WNT3: variants seen among roughly 807,000 people sequenced by gnomAD.
WNT3 encodes the protein proto-oncogene Wnt-3.
In WNT3, 7 loss-of-function variants were observed where a neutral mutation model predicts 34.2. The observed-to-expected ratio is 0.20, with a 90% CI of 0.12 to 0.38. The LOEUF is 0.38. WNT3 is among the 10% of genes least tolerant of loss of function. The pLI is 1.00. For synonymous variants in WNT3, 212 were observed against 211.5 expected, an observed-to-expected ratio of 1.00 and a Z score of -0.02; for missense variants, 267 against 499.8, an observed-to-expected ratio of 0.53 and a Z score of 4.44.
intron 2 of WNT3, among the ~76,000 whole-genome samples, chr17:46,771,760 CCCGCGCCGCG>C (rs568207694): frequency 2.6e-4 from 36 of 137,372 alleles, no homozygotes; most frequent in South Asian, 6.7e-4. Context: ...GCCCCCCGCC[CCCGCGCCGCG>C]CCGCGCCGCG....
At chr17:46,791,958 T>G (rs1042277033) in intron 1 of WNT3, among the ~76,000 whole-genome samples, 1 of 152,170 alleles carries the variant, frequency 6.6e-6, no homozygotes, top group Non-Finnish European at 1.5e-5. Context: ...GAGGATCGCT[T>G]GAGCCCAGGA....
chr17:46,771,905 C>A (rs1354719699), intron 2 of WNT3, among the ~76,000 whole-genome samples: 1 of 145,648 alleles, frequency 6.9e-6, no homozygotes, highest in South Asian at 2.1e-4. Flanking sequence ...CCCCCGCCCC[C>A]GCCTGGGGAA....
chr17:46,765,766 T>C (rs913071190), intron 4 of WNT3, among the ~76,000 whole-genome samples: 12 of 152,232 alleles, frequency 7.9e-5, no homozygotes, highest in Non-Finnish European at 4.4e-5. Context: ...GGCTGCCCTG[T>C]GAGCAGCTGG....
At position 46,770,006 on chromosome 17, in the gene WNT3, C is replaced by G. The variant is rs756045478; in HGVS notation, c.365G>C (p.Gly122Ala). 6.3e-7 allele frequency: 1 copy of G among 1,591,762 alleles called. No homozygotes were observed. Among genetic ancestry groups the G allele is most frequent in the Non-Finnish European group, 8.5e-7 (1 of 1,169,606 alleles). ...GGAGCGGGTGACGGCGAAGGCCACG[C>G]CGGCCGAGGCGATGGCGTGAACGAA... The part of the protein sequence containing the change: ...SAFVHAIASA[G>A]VAFAVTRSCA... Residue 122 changes from glycine (G) to alanine (A), a missense_variant, in exon 3 of 5, where the codon GGC becomes GCC. This residue lies in a region of WNT3 where 181 missense variants were observed against 391.3 expected (regional missense o/e 0.46). Coordinates refer to ENST00000225512, the MANE Select transcript of WNT3 (RefSeq NM_030753.5).
intron 1 of WNT3, among the ~76,000 whole-genome samples, chr17:46,794,195 A>T (rs1250677121): frequency 6.6e-6 from 1 of 152,034 alleles, no homozygotes; most frequent in Non-Finnish European, 1.5e-5. Flanking sequence ...ACCTCAGGGG[A>T]CTGTGCCCTG....
intron 1 of WNT3, among the ~76,000 whole-genome samples, chr17:46,787,579 C>G (rs145263608): frequency 6.6e-6 from 1 of 152,192 alleles, no homozygotes; most frequent in African/African-American, 2.4e-5. Flanking sequence ...GCACGCAGAT[C>G]GTTCTTGAAG....
At chr17:46,777,492 T>G (rs2059421930) in intron 1 of WNT3, among the ~76,000 whole-genome samples, 1 of 152,204 alleles carries the variant, frequency 6.6e-6, no homozygotes, top group Admixed American at 6.5e-5. Context: ...GCCTCAAAGG[T>G]CGGAGTGCTT....
chr17:46,779,101 A>ACACACACC (rs1555683652), intron 1 of WNT3, among the ~76,000 whole-genome samples: 5 of 139,974 alleles, frequency 3.6e-5, no homozygotes, highest in Non-Finnish European at 7.5e-5. Flanking sequence ...ACACACACAC[A>ACACACACC]CACCCCAGCC....
chr17:46,801,936 A>G (rs1221339371), intron 1 of WNT3, among the ~76,000 whole-genome samples: 1 of 152,194 alleles, frequency 6.6e-6, no homozygotes, highest in Non-Finnish European at 1.5e-5. Context: ...AGACCACTCA[A>G]CGAAGCCTCA....
At chr17:46,798,984 G>A (rs1225747155) in intron 1 of WNT3, among the ~76,000 whole-genome samples, 1 of 146,828 alleles carries the variant, frequency 6.8e-6, no homozygotes, top group Non-Finnish European at 1.5e-5. Flanking sequence ...TGAGGCGGAG[G>A]TTACAGTGAG....
At chr17:46,780,145 G>A (rs2059448190) in intron 1 of WNT3, among the ~76,000 whole-genome samples, 1 of 152,218 alleles carries the variant, frequency 6.6e-6, no homozygotes, top group South Asian at 2.1e-4. Flanking sequence ...CATATGGTGA[G>A]ACACCTAAAG....
At chr17:46,772,729 G>A (rs2059384610) in intron 2 of WNT3, among the ~76,000 whole-genome samples, 3 of 152,150 alleles carry the variant, frequency 2.0e-5, no homozygotes. Flanking sequence ...ACCGGTAAAG[G>A]GGAACTGCAC....
At chr17:46,764,876 A>T (rs918592409) in intron 4 of WNT3, among the ~76,000 whole-genome samples, 13 of 152,208 alleles carry the variant, frequency 8.5e-5, no homozygotes, top group Non-Finnish European at 1.5e-4. Context: ...CCCCACCTCT[A>T]GCTGAGGGCC....
intron 1 of WNT3, among the ~76,000 whole-genome samples, chr17:46,799,673 C>G (rs2084099772): frequency 6.6e-6 from 1 of 152,160 alleles, no homozygotes. Context: ...GTCTCGAACT[C>G]CTGACCTCAA....
intron 1 of WNT3, among the ~76,000 whole-genome samples, chr17:46,790,962 G>A (rs1367196546): frequency 6.6e-6 from 1 of 152,218 alleles, no homozygotes; most frequent in African/African-American, 2.4e-5. Flanking sequence ...GCCCAGGCCT[G>A]ACTCCTCGTT....
intron 1 of WNT3, among the ~76,000 whole-genome samples, chr17:46,815,533 T>A (rs2084329624): frequency 6.6e-6 from 1 of 151,926 alleles, no homozygotes; most frequent in East Asian, 1.9e-4. Context: ...AGTACTGGAA[T>A]CTGACTGCCA....
intron 1 of WNT3, among the ~76,000 whole-genome samples, chr17:46,782,474 G>A (rs1441096708): frequency 2.0e-5 from 3 of 152,214 alleles, no homozygotes; most frequent in African/African-American, 7.2e-5. Context: ...GCCCAGAAGG[G>A]CTCCACCCTC....
At chr17:46,811,565 G>A (rs910017465) in intron 1 of WNT3, among the ~76,000 whole-genome samples, 2 of 152,130 alleles carry the variant, frequency 1.3e-5, no homozygotes, top group African/African-American at 4.8e-5. Context: ...ACTGAGACCT[G>A]AGCAACAGAA....
In WNT3 at chr17:46,764,578, TC is replaced by T. The variant is rs2146363621; in HGVS notation, c.*51del. The T allele has an allele frequency of 6.6e-6, 1 of 152,376 alleles. No homozygotes were observed. The highest frequency in any genetic ancestry group is 1.9e-4 in the East Asian group (1 of 5,184). The allele number at this position is 152,376 out of a possible 1,614,324, so 9.4% of individuals were successfully genotyped here. A position where few individuals can be genotyped will look rare whatever the true frequency, so the allele number is the denominator to read the frequency against. Reference sequence around the variant, plus strand: ...TCTAGGTCCTGCTTCCCATGAGACTTCGCTGAATCCGCCCAGCCACACACTT... The same window carrying T: ...TCTAGGTCCTGCTTCCCATGAGACTTGCTGAATCCGCCCAGCCACACACTT... On this transcript the variant is annotated 3_prime_UTR_variant, in exon 5 of 5. Transcript: ENST00000225512.
Sources: gnomAD v4.1 joint callset for allele counts (sites outside exome capture counted in the v4.1 genomes callset) on GRCh38, gnomAD v4.1.1 for gene constraint, gnomAD v4.1.1 regional missense constraint, MANE v1.5 for transcripts, NCBI Gene and HGNC (gene_info 2026-07-23, HGNC 2026-07-21) for gene names.